The following RANBP2 variants were observed in gnomAD, a reference collection of about 807,000 sequenced individuals.
RANBP2 encodes RAN binding protein 2.
A neutral mutation model predicts 303.6 loss-of-function variants in RANBP2; 57 were observed. The observed-to-expected ratio is 0.19, with a 90% CI of 0.15 to 0.23. The LOEUF (loss-of-function observed/expected upper bound fraction) is 0.23. Ranked by LOEUF, RANBP2 falls within the 10% of genes least tolerant of loss-of-function variation. The probability of loss-of-function intolerance (pLI) is 1.00; values close to 1 mark genes in which losing one functional copy is unlikely to be tolerated. For missense variants in RANBP2, 3,138 were observed against 3,780.8 expected (o/e 0.83, Z 4.46); for synonymous variants, 1,167 against 1,301.5 (o/e 0.90, Z 2.23).
At chr2:108,848,370 A>G in the RANBP2 span, among the ~76,000 whole-genome samples, 1 of 152,198 alleles carries the variant, frequency 6.6e-6, no homozygotes, top group Admixed American at 6.5e-5. Context: ...AAGTATGAAT[A>G]TTGGGAAGGA....
the RANBP2 span, chr2:108,794,766 C>A: frequency 1.4e-6 from 2 of 1,423,902 alleles, no homozygotes; most frequent in Non-Finnish European, 1.9e-6. Flanking sequence ...TATTTATGTT[C>A]TAAGAACCAA....
At chr2:109,061,252 A>G in the RANBP2 span, among the ~76,000 whole-genome samples, 1 of 152,146 alleles carries the variant, frequency 6.6e-6, no homozygotes, top group South Asian at 2.1e-4. Flanking sequence ...ACACCTATGC[A>G]CACAGATTCC....
chr2:109,572,857 C>T, the RANBP2 span, among the ~76,000 whole-genome samples: 21 of 151,904 alleles, frequency 1.4e-4, no homozygotes, highest in Non-Finnish European at 2.4e-4. Flanking sequence ...CCTTGTGATC[C>T]GCCTGCCTTG....
chr2:108,976,119 A>T, the RANBP2 span, among the ~76,000 whole-genome samples: 2 of 152,122 alleles, frequency 1.3e-5, no homozygotes, highest in Non-Finnish European at 2.9e-5. Context: ...GTTTTCTCCT[A>T]ACGTTCTTTT....
At chr2:109,469,275 G>A in the RANBP2 span, among the ~76,000 whole-genome samples, 2 of 152,228 alleles carry the variant, frequency 1.3e-5, no homozygotes, top group Non-Finnish European at 2.9e-5. Flanking sequence ...GGATCTAACA[G>A]CCCTAAAGAC....
At chr2:109,302,282 G>C in the RANBP2 span, among the ~76,000 whole-genome samples, 1 of 149,736 alleles carries the variant, frequency 6.7e-6, no homozygotes, top group Non-Finnish European at 1.5e-5. Flanking sequence ...GCATTTTTTT[G>C]TGACTGTAAT....
At chr2:109,291,282 T>C in the RANBP2 span, among the ~76,000 whole-genome samples, 53 of 60,060 alleles carry the variant, frequency 8.8e-4, no homozygotes, top group East Asian at 0.026. Flanking sequence ...AGTAATCTCT[T>C]TTTTTTTTTT....
At chr2:109,064,410 C>G in the RANBP2 span, among the ~76,000 whole-genome samples, 8 of 136,712 alleles carry the variant, frequency 5.9e-5, no homozygotes, top group Admixed American at 3.4e-4. Flanking sequence ...GAGCTGAGAT[C>G]ACGCCACTCC....
chr2:109,777,435 T>G, the RANBP2 span, among the ~76,000 whole-genome samples: 1 of 139,340 alleles, frequency 7.2e-6, no homozygotes, highest in Admixed American at 7.7e-5. Flanking sequence ...CTATGTCACT[T>G]GGTTATGGTA....
At chr2:109,031,746 C>T in the RANBP2 span, among the ~76,000 whole-genome samples, 4 of 152,228 alleles carry the variant, frequency 2.6e-5, no homozygotes, top group Non-Finnish European at 4.4e-5. Flanking sequence ...GCGAGACCTG[C>T]GCCAACGCCT....
At chr2:109,273,424 C>A in the RANBP2 span, among the ~76,000 whole-genome samples, 1 of 152,188 alleles carries the variant, frequency 6.6e-6, no homozygotes, top group Non-Finnish European at 1.5e-5. Flanking sequence ...GAGACCCATG[C>A]CTGCCCCCAG....
the RANBP2 span, among the ~76,000 whole-genome samples, chr2:109,522,787 A>G: frequency 6.6e-6 from 1 of 152,214 alleles, no homozygotes; most frequent in Non-Finnish European, 1.5e-5. Flanking sequence ...AACCATCGCT[A>G]TCTTCATTTC....
chr2:108,795,972 GCAAA>G, the RANBP2 span, among the ~76,000 whole-genome samples: 8 of 152,184 alleles, frequency 5.3e-5, no homozygotes, highest in Non-Finnish European at 7.4e-5. Flanking sequence ...ATCATTTGTA[GCAAA>G]CAAAGATGTT....
chr2:109,374,228 C>G, the RANBP2 span, among the ~76,000 whole-genome samples: 1 of 152,168 alleles, frequency 6.6e-6, no homozygotes. Flanking sequence ...CCCAAGCATC[C>G]TTGGGCAGGG....
chr2:109,139,039 A>G, the RANBP2 span, among the ~76,000 whole-genome samples: 4 of 152,196 alleles, frequency 2.6e-5, no homozygotes, highest in Non-Finnish European at 5.9e-5. Flanking sequence ...GTCATGGGTG[A>G]TGTCTGTGGA....
the RANBP2 span, among the ~76,000 whole-genome samples, chr2:109,674,591 A>T: frequency 0.016 from 2,392 of 152,160 alleles, 68 homozygotes; most frequent in African/African-American, 0.054. Flanking sequence ...TCAAAACAAC[A>T]AAAACAAGAA....
At chr2:109,314,742 A>G in the RANBP2 span, among the ~76,000 whole-genome samples, 1 of 152,154 alleles carries the variant, frequency 6.6e-6, no homozygotes, top group African/African-American at 2.4e-5. Context: ...CCACCAGCCA[A>G]TTTCTTATTC....
the RANBP2 span, among the ~76,000 whole-genome samples, chr2:109,474,938 T>C: frequency 1.3e-5 from 2 of 152,174 alleles, no homozygotes; most frequent in Non-Finnish European, 1.5e-5. Flanking sequence ...CACCTTTCAG[T>C]GTTTTTTGTC....
intron 8 of RANBP2, among the ~76,000 whole-genome samples, chr2:108,748,121 A>G (rs1675518775): frequency 6.6e-6 from 1 of 152,166 alleles, no homozygotes; most frequent in Non-Finnish European, 1.5e-5. Flanking sequence ...AGCATGTATC[A>G]GTACTTTATC....
Sources: gnomAD v4.1 joint callset for allele counts (sites outside exome capture counted in the v4.1 genomes callset) on GRCh38, gnomAD v4.1.1 for gene constraint, MANE v1.5 for transcripts, NCBI Gene and HGNC (gene_info 2026-07-23, HGNC 2026-07-21) for gene names.